CNTN4: variants seen among roughly 807,000 people sequenced by gnomAD.
CNTN4 encodes the protein contactin-4.
Under a neutral mutation model 122.5 loss-of-function variants are expected in CNTN4, and 77 were observed. That is an observed-to-expected ratio of 0.63 (90% CI 0.52 to 0.76). CNTN4 has a LOEUF of 0.76. CNTN4 is among the 30% of genes least tolerant of loss of function. The pLI, the probability that CNTN4 is intolerant of heterozygous loss-of-function variation, is 0.00. For missense variants in CNTN4, 1,256 were observed against 1,259.1 expected (o/e 1.00, Z 0.04); for synonymous variants, 512 against 447.0 (o/e 1.15, Z -1.83).
At chr3:2,233,654 C>A (rs2039573038) in intron 2 of CNTN4, among the ~76,000 whole-genome samples, 1 of 152,036 alleles carries the variant, frequency 6.6e-6, no homozygotes, top group Non-Finnish European at 1.5e-5. Flanking sequence ...ACCCCCTCAC[C>A]CCCAATTGAA....
chr3:2,396,978 G>T (rs1371146155), intron 3 of CNTN4, among the ~76,000 whole-genome samples: 1 of 152,160 alleles, frequency 6.6e-6, no homozygotes, highest in Non-Finnish European at 1.5e-5. Context: ...TGTGTGTGAC[G>T]AGATTTGAAA....
intron 3 of CNTN4, among the ~76,000 whole-genome samples, chr3:2,397,781 ATAAT>A (rs927659425): frequency 1.2e-4 from 18 of 152,320 alleles, no homozygotes; most frequent in South Asian, 2.1e-4. Context: ...TTATTTAGAA[ATAAT>A]TAGTTTGCTA....
At chr3:3,001,264 G>A (rs929216708) in intron 14 of CNTN4, among the ~76,000 whole-genome samples, 6 of 152,160 alleles carry the variant, frequency 3.9e-5, no homozygotes, top group Admixed American at 6.5e-5. Flanking sequence ...CTCTCACTAC[G>A]AAAAGAAAAA....
At chr3:2,369,514 T>C (rs2045546531) in intron 3 of CNTN4, among the ~76,000 whole-genome samples, 1 of 152,150 alleles carries the variant, frequency 6.6e-6, no homozygotes, top group Admixed American at 6.5e-5. Flanking sequence ...AGCAAGAGGT[T>C]GCAGCAATTA....
chr3:2,227,575 G>A (rs538319488), intron 2 of CNTN4, among the ~76,000 whole-genome samples: 1 of 152,212 alleles, frequency 6.6e-6, no homozygotes, highest in African/African-American at 2.4e-5. Flanking sequence ...CTCTCTCTCT[G>A]CACTTCCACC....
intron 7 of CNTN4, among the ~76,000 whole-genome samples, chr3:2,839,699 G>A (rs986292023): frequency 6.6e-6 from 1 of 152,144 alleles, no homozygotes; most frequent in African/African-American, 2.4e-5. Context: ...TCAATAAGGG[G>A]CAGGGCATTG....
At chr3:2,514,698 T>C (rs549777484) in intron 3 of CNTN4, among the ~76,000 whole-genome samples, 89 of 152,202 alleles carry the variant, frequency 5.8e-4, no homozygotes, top group Admixed American at 1.8e-3. Flanking sequence ...CCCAGTAAAA[T>C]GAAGTATGAT....
intron 6 of CNTN4, among the ~76,000 whole-genome samples, chr3:2,799,908 A>G (rs2092305867): frequency 6.6e-6 from 1 of 151,794 alleles, no homozygotes. Flanking sequence ...CCCAGTGTAT[A>G]TTTTTGTCAA....
intron 2 of CNTN4, among the ~76,000 whole-genome samples, chr3:2,320,548 A>G (rs1185568026): frequency 1.3e-5 from 2 of 152,166 alleles, no homozygotes; most frequent in East Asian, 3.8e-4. Flanking sequence ...TGACCTTCAT[A>G]ATGTAACTTT....
At chr3:2,693,490 A>G (rs1031839375) in intron 4 of CNTN4, among the ~76,000 whole-genome samples, 4 of 152,198 alleles carry the variant, frequency 2.6e-5, no homozygotes, top group Non-Finnish European at 5.9e-5. Flanking sequence ...AAAAACCACC[A>G]AAATAGAAAA....
chr3:2,596,528 A>G (rs1213304740), intron 4 of CNTN4, among the ~76,000 whole-genome samples: 1 of 152,146 alleles, frequency 6.6e-6, no homozygotes, highest in African/African-American at 2.4e-5. Flanking sequence ...TTACACATCT[A>G]TAACCATACA....
chr3:2,349,161 A>G (rs2044513214), intron 3 of CNTN4, among the ~76,000 whole-genome samples: 1 of 152,206 alleles, frequency 6.6e-6, no homozygotes, highest in Non-Finnish European at 1.5e-5. Flanking sequence ...ATCATATCTT[A>G]TTATACCTAG....
At chr3:2,895,313 G>A (rs569004075) in intron 10 of CNTN4, among the ~76,000 whole-genome samples, 6 of 152,224 alleles carry the variant, frequency 3.9e-5, no homozygotes, top group Non-Finnish European at 8.8e-5. Flanking sequence ...CTAAAGATAT[G>A]AAATAATGAT....
intron 3 of CNTN4, among the ~76,000 whole-genome samples, chr3:2,461,883 C>T (rs184755186): frequency 6.6e-6 from 1 of 152,244 alleles, no homozygotes. Flanking sequence ...AGCTAAGCAG[C>T]TAAGATTCTA....
chr3:2,965,337 T>G (rs1320194158), intron 13 of CNTN4, among the ~76,000 whole-genome samples: 1 of 152,232 alleles, frequency 6.6e-6, no homozygotes, highest in East Asian at 1.9e-4. Flanking sequence ...TCAGGTTTTC[T>G]CTTGTCTAGT....
chr3:2,707,319 C>CA (rs369692938), intron 4 of CNTN4, among the ~76,000 whole-genome samples: 2,058 of 150,426 alleles, frequency 0.014, 21 homozygotes, highest in African/African-American at 0.028. Context: ...AAAAAAAACC[C>CA]AAAAAAAACA....
In CNTN4 at chr3:3,057,575, A is replaced by G. The variant is rs1229745740; in HGVS notation, c.*1355A>G. The stretch of plus-strand genomic sequence containing the variant: ...CATTTTCTCATGTAAACATGCTGCC[A>G]CCTTTTCTTCTTTCTCAGAGAACTC... On this transcript the variant is annotated 3_prime_UTR_variant, in exon 25 of 25. Coordinates refer to ENST00000418658, the MANE Select transcript of CNTN4 (RefSeq NM_175607.3). The G allele has an allele frequency of 1.3e-5, 2 of 152,612 alleles. 1 individual carries two copies. The highest frequency in any genetic ancestry group is 1.3e-4 in the Admixed American group (2 of 15,274). The allele number at this position is 152,612 out of a possible 1,614,324, so 9.5% of individuals were successfully genotyped here.
chr3:2,168,595 T>A (rs2036305996), intron 2 of CNTN4, among the ~76,000 whole-genome samples: 2 of 152,154 alleles, frequency 1.3e-5, no homozygotes, highest in East Asian at 3.9e-4. Flanking sequence ...TGAATAGTTA[T>A]TTAAAAGTAG....
chr3:2,171,948 C>A (rs2036534661), intron 2 of CNTN4, among the ~76,000 whole-genome samples: 1 of 152,164 alleles, frequency 6.6e-6, no homozygotes, highest in Non-Finnish European at 1.5e-5. Context: ...CAGAAAGTCT[C>A]AGACTTCATT....
Sources: allele counts gnomAD v4.1 joint callset (sites outside exome capture counted in the v4.1 genomes callset), GRCh38; gene constraint gnomAD v4.1.1; transcripts MANE v1.5; gene names NCBI Gene and HGNC (gene_info 2026-07-23, HGNC 2026-07-21).